TRIP12: variants seen among roughly 807,000 people sequenced by gnomAD.
The protein encoded by TRIP12 is E3 ubiquitin-protein ligase TRIP12.
A neutral mutation model predicts 244.2 loss-of-function variants in TRIP12; 25 were observed. The observed-to-expected ratio is 0.10, with a 90% CI of 0.07 to 0.14. The LOEUF is 0.14. Among genes scored for constraint, TRIP12 ranks in the 10% least tolerant of loss-of-function variants. TRIP12 has a pLI of 1.00. For missense variants in TRIP12, 1,677 were observed against 2,486.4 expected (o/e 0.67, Z 6.92); for synonymous variants, 905 against 873.1 (o/e 1.04, Z -0.64).
rs771305563 is a variant in TRIP12 at position 229,802,395 on chromosome 2, T to C, written c.3063A>G (p.Ala1021=). The change falls in exon 21 of 42, where the codon GCA becomes GCG. Residue 1021 remains alanine (A), a synonymous_variant. Transcript: ENST00000675903. ...SESLLTSPPK[A]CTNGSGSMGS... is the part of the protein sequence containing the mutation. Reference sequence around the variant, plus strand: ...CCATGGATCCCGATCCATTCGTACATGCCTTTGGTGGACTTGTCAACAAAG... The same window carrying C: ...CCATGGATCCCGATCCATTCGTACACGCCTTTGGTGGACTTGTCAACAAAG... 1.9e-6 allele frequency: 3 copies of C among 1,614,096 alleles called. No homozygotes were observed. The highest frequency in any genetic ancestry group is 1.7e-5 in the Admixed American group (1 of 60,026).
rs2046383538 is a variant in TRIP12, at chr2:229,808,295, G to C, written c.2296C>G (p.Pro766Ala). Residue 766 changes from proline (P) to alanine (A), a missense_variant, in exon 16 of 42, where the codon CCA becomes GCA. This residue lies in a region of TRIP12 where 572 missense variants were observed against 867.8 expected (regional missense o/e 0.66). Transcript: ENST00000675903. ...TCATACAACTCTTGAGGGCTTCGTG[G>C]AACAAGATCAATCTGTTCCTGACAA... ...GSCQEQIDLV[P>A]RSPQELYELT... 3.7e-6 allele frequency: 6 copies of C among 1,613,736 alleles called. No homozygotes were observed. The highest frequency in any genetic ancestry group is 3.4e-6 in the Non-Finnish European group (4 of 1,179,962).
At chr2:229,808,017 T>C (rs542699611) in intron 16 of TRIP12, among the ~76,000 whole-genome samples, 153 bp from the exon 17 acceptor site, 2 of 152,162 alleles carry the variant, frequency 1.3e-5, no homozygotes, top group African/African-American at 4.8e-5. Context: ...CCAGGCTGGA[T>C]GGCAGTGGCA....
chr2:229,787,483 A>C (rs1230330620), intron 33 of TRIP12, 22 bp downstream of exon 33: 1 of 1,590,602 alleles, frequency 6.3e-7, no homozygotes, highest in Non-Finnish European at 8.5e-7. Context: ...AGATTATTTA[A>C]AGATTTTGGG....
intron 8 of TRIP12, among the ~76,000 whole-genome samples, chr2:229,824,095 T>C (rs1395724286): frequency 6.6e-6 from 1 of 152,030 alleles, no homozygotes; most frequent in Non-Finnish European, 1.5e-5. Flanking sequence ...ACAACAAACA[T>C]AAAGGAGGGC....
chr2:229,798,652 G>C (rs892194463), intron 23 of TRIP12, among the ~76,000 whole-genome samples: 1 of 152,170 alleles, frequency 6.6e-6, no homozygotes, highest in Non-Finnish European at 1.5e-5. Flanking sequence ...TTTCAGCTAG[G>C]TATGCTGGAA....
intron 18 of TRIP12, among the ~76,000 whole-genome samples, chr2:229,805,222 A>AAACAACAAC (rs1297499840): frequency 0.26 from 38,431 of 149,320 alleles, 5,431 homozygotes; most frequent in Non-Finnish European, 0.32. Flanking sequence ...GCCCTTTTCA[A>AAACAACAAC]AACAACAACA....
chr2:229,773,869 C>T (rs1367227866), intron 38 of TRIP12: 3 of 379,648 alleles, frequency 7.9e-6, no homozygotes, highest in South Asian at 7.6e-5. Flanking sequence ...AATTAGATAG[C>T]ATTCAAGCCT....
intron 2 of TRIP12, among the ~76,000 whole-genome samples, chr2:229,864,001 TGAAAGAGAGAGAGAGAGAGAGAGAGA>T (rs1482050866): frequency 1.8e-5 from 2 of 113,516 alleles, no homozygotes; most frequent in Admixed American, 1.8e-4. Context: ...AAGATTTGGG[TGAAAGAGAGAGAGAGAGAGAGAGAGA>T]GAGAGAGAGA....
intron 4 of TRIP12, among the ~76,000 whole-genome samples, chr2:229,856,779 A>G (rs550718228): frequency 6.6e-6 from 1 of 152,262 alleles, no homozygotes; most frequent in Non-Finnish European, 1.5e-5. Context: ...AAGGACAAAT[A>G]GTTGGTTGTC....
At chr2:229,834,000 G>A (rs1005550782) in intron 6 of TRIP12, among the ~76,000 whole-genome samples, 4 of 152,184 alleles carry the variant, frequency 2.6e-5, no homozygotes, top group Non-Finnish European at 5.9e-5. Flanking sequence ...CAGTTCTTTC[G>A]TCAAGGCTTC....
chr2:229,795,012 A>G (rs2042465684), intron 26 of TRIP12, 167 bp downstream of exon 26: 1 of 663,432 alleles, frequency 1.5e-6, no homozygotes, highest in Admixed American at 3.3e-5. Context: ...AATTTTAAAG[A>G]TAAGAAAGCA....
At chr2:229,768,829 C>T (rs2032966575) in intron 40 of TRIP12, 110 bp from the exon 41 acceptor site, 1 of 1,003,360 alleles carries the variant, frequency 1.0e-6, no homozygotes, top group Non-Finnish European at 1.4e-6. Context: ...TTTTAAATTA[C>T]ACATACATTT....
chr2:229,922,593 T>A (rs1403023531), upstream of TRIP12: 1 of 1,614,072 alleles, frequency 6.2e-7, no homozygotes. Context: ...TACCAGTTAC[T>A]GGTCACCCGG....
chr2:229,916,026 G>C (rs953067494), intron 1 of TRIP12, among the ~76,000 whole-genome samples: 1 of 152,112 alleles, frequency 6.6e-6, no homozygotes, highest in African/African-American at 2.4e-5. Flanking sequence ...ATATAACAGA[G>C]GTATGTTCGA....
intron 17 of TRIP12, 50 bp from the exon 18 acceptor site, chr2:229,805,933 T>C: frequency 6.9e-7 from 1 of 1,442,330 alleles, no homozygotes. Flanking sequence ...AGAAATCTAT[T>C]ACCTTAAGAC....
At chr2:229,771,401 GCTAT>G (rs2034292697) in intron 39 of TRIP12, 114 bp downstream of exon 39, 5 of 709,460 alleles carry the variant, frequency 7.0e-6, no homozygotes, top group Admixed American at 5.5e-5. Context: ...TCCATCCCCT[GCTAT>G]CTAACACCCA....
At chr2:229,768,534 C>G (rs1444234071) in intron 41 of TRIP12, 82 bp downstream of exon 41, 41 of 1,267,568 alleles carry the variant, frequency 3.2e-5, no homozygotes, top group Non-Finnish European at 4.5e-6. Context: ...GATAAAGAAT[C>G]TCCTGCTGAT....
In TRIP12 at chr2:229,795,312, T is replaced by C. The variant is rs764732335; in HGVS notation, c.3835A>G (p.Ile1279Val). 27 of 1,613,230 alleles carry C rather than the reference T, an allele frequency of 1.7e-5. No individual in the cohort carries two copies. Among genetic ancestry groups the C allele is most frequent in the Non-Finnish European group, 2.3e-5 (27 of 1,179,646 alleles). ...TTACCCACTGGTTCCACTCTTCCAA[T>C]GGGCTCTTCTCCAGGAAGCTAAAGT... ...FSSPLPGEEP[I>V]GRVEPVGNAP... is the part of the protein sequence containing the mutation. Residue 1279 changes from isoleucine (I) to valine (V), a missense_variant, in exon 26 of 42, where the codon ATT becomes GTT. By Grantham distance (29) the Ile-to-Val change is conservative. Around this residue, in one of 11 missense-constraint regions of TRIP12, gnomAD observed 77 missense variants for 69.2 expected, o/e 1.11. Coordinates refer to ENST00000675903, the MANE Select transcript of TRIP12 (RefSeq NM_001348323.3).
At chr2:229,782,762 TA>T (rs1439547782) in intron 34 of TRIP12, among the ~76,000 whole-genome samples, 1 of 152,194 alleles carries the variant, frequency 6.6e-6, no homozygotes, top group Non-Finnish European at 1.5e-5. Context: ...ACTAAACTGC[TA>T]AATCTATGAT....
Sources: allele counts gnomAD v4.1 joint callset (sites outside exome capture counted in the v4.1 genomes callset), GRCh38; gene constraint gnomAD v4.1.1; regional missense constraint gnomAD v4.1.1; transcripts MANE v1.5; gene names NCBI Gene and HGNC (gene_info 2026-07-23, HGNC 2026-07-21).